Variants in NASP observed in about 807,000 individuals in gnomAD.
NASP encodes the protein nuclear autoantigenic sperm protein.
NASP carries 24 observed loss-of-function variants against 89.5 expected under a neutral mutation model. The observed-to-expected ratio is 0.27, with a 90% CI of 0.19 to 0.38. NASP has a LOEUF of 0.38. Ranked by LOEUF, NASP falls within the 10% of genes least tolerant of loss-of-function variation. The probability of loss-of-function intolerance (pLI) is 1.00; values close to 1 mark genes in which losing one functional copy is unlikely to be tolerated. For missense variants in NASP, 848 were observed against 921.4 expected (o/e 0.92, Z 1.03); for synonymous variants, 306 against 324.7 (o/e 0.94, Z 0.62).
intron 13 of NASP, among the ~76,000 whole-genome samples, chr1:45,616,956 T>G (rs1452101000): frequency 2.0e-5 from 3 of 152,168 alleles, no homozygotes; most frequent in African/African-American, 4.8e-5. Flanking sequence ...GTGATTCTCC[T>G]GCCTCAGCTT....
At position 45,616,554 on chromosome 1, in the gene NASP, A is replaced by G. The variant is rs927300377; in HGVS notation, c.2080-72A>G. On this transcript the variant is annotated intron_variant, in intron 12 of 14. Coordinates refer to ENST00000350030, the MANE Select transcript of NASP (RefSeq NM_002482.4). ...AGTGAGACCTTGTCTCTGAAAAACT[A>G]AAAAATTATAAAAGCCTCAGCATTG... 1.9e-6 allele frequency: 3 copies of G among 1,553,516 alleles called. No homozygotes were observed. In the African/African-American group the frequency reaches 4.1e-5, roughly 21 times the overall value.
At position 45,599,951 on chromosome 1, in the gene NASP, G is replaced by GTTTTTTTTTTTTT. The variant is rs1375366938; in HGVS notation, c.108-2303_108-2302insTTTTTTTTTTTTT. 3.6e-4 allele frequency among the ~76,000 whole-genome samples: 37 copies of GTTTTTTTTTTTTT among 101,914 alleles called. 1 individual carries two copies. The highest frequency in any genetic ancestry group is 1.5e-3 in the African/African-American group (35 of 23,160). 66.9% of individuals were successfully genotyped at this position (101,914 alleles called of 152,430 possible). A position where few individuals can be genotyped will look rare whatever the true frequency, so the allele number is the denominator to read the frequency against. ...CTCTGTCCTAGAGTGCTTTTCCTCT[G>GTTTTTTTTTTTTT]TATTTTTTTTTTTTTTTTTTTTTTG... On this transcript the variant is annotated intron_variant, in intron 2 of 14. Transcript: ENST00000350030.
At chr1:45,616,586 T>C in intron 12 of NASP, 40 bp from the exon 13 acceptor site, 1 of 1,589,214 alleles carries the variant, frequency 6.3e-7, no homozygotes, top group Non-Finnish European at 8.6e-7. Context: ...ATTGATCTCA[T>C]ATAGCTTGTA....
chr1:45,614,303 AAAG>A lies in NASP; in HGVS notation c.1607_1609del (p.Glu536del). On this transcript the variant is annotated inframe_deletion, in exon 9 of 15. Transcript: ENST00000350030. Reference sequence around the variant, plus strand: ...TTTTCCTTCTTTTAGGCAAGAAACAAAAGAAGCACAGCTTTATGCTGCCCAGGC... The same window carrying A: ...TTTTCCTTCTTTTAGGCAAGAAACAAAAGCACAGCTTTATGCTGCCCAGGC... 1 of 1,614,092 alleles carries A rather than the reference AAAG, an allele frequency of 6.2e-7. No homozygotes were observed. Among genetic ancestry groups the A allele is most frequent in the Non-Finnish European group, 8.5e-7 (1 of 1,179,896 alleles).
intron 13 of NASP, 52 bp from the exon 14 acceptor site, chr1:45,617,411 C>CT (rs1227951461): frequency 6.3e-7 from 1 of 1,580,620 alleles, no homozygotes; most frequent in Admixed American, 1.9e-5. Flanking sequence ...TTGCAGTTGT[C>CT]TTTTTAAAAA....
chr1:45,601,745 A>ATT (rs71056316), intron 2 of NASP, among the ~76,000 whole-genome samples: 7,375 of 68,790 alleles, frequency 0.11, 2,469 homozygotes, highest in Admixed American at 0.19. Flanking sequence ...CGTTAAGAGA[A>ATT]TTTTTTTTTT....
chr1:45,601,242 G>A (rs1643836314), intron 2 of NASP, among the ~76,000 whole-genome samples: 2 of 152,058 alleles, frequency 1.3e-5, no homozygotes, highest in South Asian at 4.2e-4. Context: ...AGAAGTCTTT[G>A]CCAAAGCCAA....
Position 45,584,458 on chromosome 1 carries a change from C to T in NASP, c.59+253C>T, listed in dbSNP as rs1173349934. Reference sequence around the variant, plus strand: ...GCCGCCATCTTGCCGGGGGCAGCGGCGGCTGTATCCTTCGCCTGCCCCTCT... The same window carrying T: ...GCCGCCATCTTGCCGGGGGCAGCGGTGGCTGTATCCTTCGCCTGCCCCTCT... On this transcript the variant is annotated intron_variant, in intron 1 of 14. Coordinates refer to ENST00000350030, the MANE Select transcript of NASP (RefSeq NM_002482.4). 2.0e-5 allele frequency among the ~76,000 whole-genome samples: 3 copies of T among 152,306 alleles called. No individual in the cohort carries two copies. The East Asian group carries it at 5.8e-4, about 29-fold the overall frequency.
chr1:45,598,560 T>A (rs1174011995), intron 2 of NASP, among the ~76,000 whole-genome samples: 3 of 152,304 alleles, frequency 2.0e-5, no homozygotes, highest in Admixed American at 1.3e-4. Flanking sequence ...TGTATTCTCC[T>A]CTGTTAAGTC....
At chr1:45,599,092 T>C (rs904439796) in intron 2 of NASP, among the ~76,000 whole-genome samples, 7 of 151,228 alleles carry the variant, frequency 4.6e-5, no homozygotes, top group Non-Finnish European at 2.9e-5. Context: ...GTTTCTTTCC[T>C]TTTTTTTTAA....
chr1:45,613,486 T>A (rs1644052459), intron 7 of NASP, among the ~76,000 whole-genome samples: 1 of 152,046 alleles, frequency 6.6e-6, no homozygotes, highest in Non-Finnish European at 1.5e-5. Flanking sequence ...TTAGGCACGA[T>A]TATTATTTTT....
intron 5 of NASP, 138 bp downstream of exon 5, chr1:45,606,729 A>G (rs1162504354): frequency 3.6e-6 from 2 of 550,700 alleles, no homozygotes; most frequent in Non-Finnish European, 6.4e-6. Context: ...TCTGGTGGAG[A>G]TTGCAGTGGG....
chr1:45,611,115 C>T (rs1231507174), intron 6 of NASP: 1 of 152,150 alleles, frequency 6.6e-6, no homozygotes, highest in Non-Finnish European at 1.5e-5. Context: ...TAACTCTGCC[C>T]ATCCTCTAGC....
rs541004600 is a variant in NASP at position 45,584,288 on chromosome 1, C to G, written c.59+83C>G. On this transcript the variant is annotated intron_variant, in intron 1 of 14. Coordinates refer to ENST00000350030, the MANE Select transcript of NASP (RefSeq NM_002482.4). Reference sequence around the variant, plus strand: ...ACGGGGGCTCCGGAGAAGGGGCAGACCGGTGGGCGGGAGTACTTGCCTTCC... The same window carrying G: ...ACGGGGGCTCCGGAGAAGGGGCAGAGCGGTGGGCGGGAGTACTTGCCTTCC... 7.5e-5 allele frequency: 101 copies of G among 1,342,084 alleles called. No individual in the cohort carries two copies. In the East Asian group the frequency reaches 2.5e-3, roughly 33 times the overall value. 83.1% of individuals were successfully genotyped at this position (1,342,084 alleles called of 1,614,324 possible).
In NASP at chr1:45,614,310, C is replaced by T; in HGVS notation, c.1610C>T (p.Ala537Val). The change falls in exon 9 of 15, where the codon GCA (alanine) becomes GTA (valine). Residue 537 changes from alanine (A) to valine (V), a missense_variant. This residue lies in a region of NASP where 60 missense variants were observed against 114.6 expected (regional missense o/e 0.52). Coordinates refer to ENST00000350030, the MANE Select transcript of NASP (RefSeq NM_002482.4). ...TCTTTTAGGCAAGAAACAAAAGAAG[C>T]ACAGCTTTATGCTGCCCAGGCACAT... The part of the protein sequence containing the change: ...IIFKRQETKE[A>V]QLYAAQAHLK... 1.2e-6 allele frequency: 2 copies of T among 1,613,844 alleles called. No individual in the cohort carries two copies.
In NASP at chr1:45,584,341, G is replaced by C. The variant is rs1644495408; in HGVS notation, c.59+136G>C. 4.0e-6 allele frequency: 3 copies of C among 759,442 alleles called. No homozygotes were observed. The South Asian group carries it at 5.3e-5, about 13-fold the overall frequency. 47.0% of individuals were successfully genotyped at this position (759,442 alleles called of 1,614,324 possible). On this transcript the variant is annotated intron_variant, in intron 1 of 14. Coordinates refer to ENST00000350030, the MANE Select transcript of NASP (RefSeq NM_002482.4). ...AGAGCAGCTGTCGCTGTTCGGGAAG[G>C]CCTGGTCACTGGAGCAGTCCTTCTT...
intron 4 of NASP, 44 bp from the exon 5 acceptor site, chr1:45,606,438 G>T (rs1643909405): frequency 7.0e-7 from 1 of 1,431,880 alleles, no homozygotes; most frequent in Admixed American, 1.8e-5. Flanking sequence ...AAAATTGCTA[G>T]GTTCTAGCCA....
At chr1:45,584,264 C>T (rs1644493744) in intron 1 of NASP, 59 bp downstream of exon 1, 6 of 1,478,134 alleles carry the variant, frequency 4.1e-6, no homozygotes, top group Admixed American at 2.0e-5. Context: ...GGCTAATGGA[C>T]GGGGGCTCCG....
chr1:45,616,421 C>T, intron 12 of NASP, 28 bp downstream of exon 12: 3 of 1,609,578 alleles, frequency 1.9e-6, no homozygotes, highest in African/African-American at 1.3e-5. Flanking sequence ...TTTTTGGTCA[C>T]TTACATTAAG....
Sources: allele counts gnomAD v4.1 joint callset (sites outside exome capture counted in the v4.1 genomes callset), GRCh38; gene constraint gnomAD v4.1.1; regional missense constraint gnomAD v4.1.1; transcripts MANE v1.5; gene names NCBI Gene and HGNC (gene_info 2026-07-23, HGNC 2026-07-21).